Variants in BABAM1 observed in about 807,000 individuals in gnomAD.
The protein encoded by BABAM1 is BRISC and BRCA1 A complex member 1.
BABAM1 carries 14 observed loss-of-function variants against 34.4 expected under a neutral mutation model. The ratio of observed to expected loss-of-function variants is 0.41; its 90% confidence interval spans 0.27 to 0.64. The LOEUF (loss-of-function observed/expected upper bound fraction) is 0.64. BABAM1 is among the 30% of genes least tolerant of loss of function. BABAM1 has a pLI of 0.34. For synonymous variants in BABAM1, 169 were observed against 165.8 expected (o/e 1.02, Z -0.15); for missense variants, 393 against 434.0 (o/e 0.91, Z 0.84).
intron 8 of BABAM1, among the ~76,000 whole-genome samples, chr19:17,278,347 C>T (rs10426697): frequency 0.18 from 27,232 of 150,294 alleles, 2,667 homozygotes; most frequent in African/African-American, 0.22. Flanking sequence ...CTCGCTCTGT[C>T]GCCCAGGCTG....
intron 5 of BABAM1, 99 bp downstream of exon 5, chr19:17,274,284 G>A (rs752174583): frequency 5.5e-6 from 8 of 1,454,820 alleles, no homozygotes; most frequent in African/African-American, 4.2e-5. Flanking sequence ...GCTGGCTGAG[G>A]TTCAGATCTC....
intron 2 of BABAM1, among the ~76,000 whole-genome samples, chr19:17,270,295 A>G (rs970185600): frequency 4.0e-5 from 6 of 150,826 alleles, no homozygotes; most frequent in Admixed American, 1.3e-4. Flanking sequence ...TGTTCCACCC[A>G]CCTCAGCCTC....
At chr19:17,275,963 A>G in intron 6 of BABAM1, 138 bp downstream of exon 6, 20 of 959,836 alleles carry the variant, frequency 2.1e-5, no homozygotes, top group Non-Finnish European at 3.1e-5. Flanking sequence ...GCAATTCCTC[A>G]TTTATGTGTG....
intron 2 of BABAM1, among the ~76,000 whole-genome samples, chr19:17,270,386 A>C: frequency 6.6e-6 from 1 of 151,508 alleles, no homozygotes; most frequent in South Asian, 2.1e-4. Context: ...TATCCTCATA[A>C]AGCCTTTCTC....
intron 8 of BABAM1, chr19:17,277,328 A>T (rs1468424548): frequency 1.2e-5 from 2 of 164,614 alleles, no homozygotes; most frequent in East Asian, 3.7e-4. Flanking sequence ...CAGCCTCCCG[A>T]GTAGCTGGGG....
intron 7 of BABAM1, 63 bp downstream of exon 7, chr19:17,276,687 G>A (rs1422221509): frequency 6.4e-7 from 1 of 1,565,442 alleles, no homozygotes; most frequent in Non-Finnish European, 8.7e-7. Context: ...TAGACACCAG[G>A]AGGGACTTCC....
intron 8 of BABAM1, chr19:17,277,270 C>T (rs952821157): frequency 1.8e-4 from 32 of 180,338 alleles, no homozygotes; most frequent in Non-Finnish European, 6.9e-5. Flanking sequence ...GGCATGATCT[C>T]GGCTCACTGC....
At chr19:17,274,874 A>T (rs2073890285) in intron 5 of BABAM1, among the ~76,000 whole-genome samples, 1 of 151,658 alleles carries the variant, frequency 6.6e-6, no homozygotes, top group East Asian at 1.9e-4. Context: ...GGCTCTTTTC[A>T]TTTTGAGGAG....
intron 8 of BABAM1, among the ~76,000 whole-genome samples, chr19:17,278,516 A>G (rs1054868141): frequency 1.1e-4 from 17 of 151,784 alleles, no homozygotes; most frequent in South Asian, 4.2e-4. Flanking sequence ...TCACTGTGTT[A>G]GCCAGGATGG....
In BABAM1 at chr19:17,274,133, C is replaced by A; in HGVS notation, c.492C>A (p.Arg164=). 6.2e-7 allele frequency: 1 copy of A among 1,613,676 alleles called. No individual in the cohort carries two copies. The highest frequency in any genetic ancestry group is 1.3e-5 in the African/African-American group (1 of 75,010). The part of the protein sequence containing the change: ...AWLSGLTSDP[R]ELCSCLYDLE... ...TGTCTGGCCTGACCTCCGACCCCCG[C>A]GAGCTCTGTAGCTGCCTCTATGATC... The change falls in exon 5 of 9, where the codon CGC becomes CGA. Residue 164 remains arginine, a synonymous_variant. Transcript: ENST00000598188.
Position 17,276,840 on chromosome 19 carries a change from A to G in BABAM1, c.717A>G (p.Pro239=). Residue 239 remains proline (P), a synonymous_variant, in exon 8 of 9, where the codon CCA becomes CCG. Coordinates refer to ENST00000598188, the MANE Select transcript of BABAM1 (RefSeq NM_014173.4). ...CCCTGCAGAAAATGTTCCAGTGCCC[A>G]TATTTCTTCTTTGACGTTGTTTACA... ...TEPMKKMFQC[P]YFFFDVVYIH... is the part of the protein sequence containing the mutation. The G allele has an allele frequency of 1.2e-6, 2 of 1,605,284 alleles. No homozygotes were observed. The highest frequency in any genetic ancestry group is 1.7e-6 in the Non-Finnish European group (2 of 1,175,870).
chr19:17,275,714 G>C (rs576544506), intron 5 of BABAM1, 87 bp from the exon 6 acceptor site: 2 of 1,562,624 alleles, frequency 1.3e-6, no homozygotes, highest in Non-Finnish European at 1.8e-6. Flanking sequence ...TAGGGGTGCC[G>C]GGTCTCCTCT....
At chr19:17,274,218 G>A in intron 5 of BABAM1, 33 bp downstream of exon 5, 2 of 1,606,948 alleles carry the variant, frequency 1.2e-6, no homozygotes, top group South Asian at 2.2e-5. Flanking sequence ...CCCCATGAAG[G>A]GGGCTGTCTC....
chr19:17,273,559 G>GTTTTTTTTTTTTT (rs1252906493), intron 3 of BABAM1, among the ~76,000 whole-genome samples: 1 of 24,614 alleles, frequency 4.1e-5, no homozygotes, highest in African/African-American at 2.1e-4. Flanking sequence ...TTTTTTGTTT[G>GTTTTTTTTTTTTT]TTTTGTTTTT....
chr19:17,274,115 C>G lies in BABAM1; in HGVS notation c.474C>G (p.Gly158=), dbSNP rs766188105. The G allele has an allele frequency of 1.9e-6, 3 of 1,613,722 alleles. No individual in the cohort carries two copies. Among genetic ancestry groups the G allele is most frequent in the Admixed American group, 1.7e-5 (1 of 60,016 alleles). Reference sequence around the variant, plus strand: ...CCTCTGCTTCCCTGCAGCTGTCTGGCCTGACCTCCGACCCCCGCGAGCTCT... The same window carrying G: ...CCTCTGCTTCCCTGCAGCTGTCTGGGCTGACCTCCGACCCCCGCGAGCTCT... The part of the protein sequence containing the change: ...VVNDDTAWLS[G]LTSDPRELCS... Residue 158 remains glycine (G), a synonymous_variant, in exon 5 of 9, where the codon GGC becomes GGG. Transcript: ENST00000598188.
intron 5 of BABAM1, 109 bp from the exon 6 acceptor site, chr19:17,275,692 A>G: frequency 2.1e-6 from 3 of 1,429,502 alleles, no homozygotes; most frequent in Admixed American, 1.7e-5. Flanking sequence ...CCAGGGTCAC[A>G]TGGTGCGTCC....
At position 17,279,142 on chromosome 19, in the gene BABAM1, G is replaced by T. The variant is rs529636939; in HGVS notation, c.*94G>T. 17 of 1,365,860 alleles carry T rather than the reference G, an allele frequency of 1.2e-5. No homozygotes were observed. In the African/African-American group the frequency reaches 2.3e-4, roughly 19 times the overall value. The allele number at this position is 1,365,860 out of a possible 1,614,324, so 84.6% of individuals were successfully genotyped here. ...GGGTTCCTTGGGACCTCCGGGGTGG[G>T]GGGGTTCCAGGAGGCACGTAGGGTA... On this transcript the variant is annotated 3_prime_UTR_variant, in exon 9 of 9. Transcript: ENST00000598188.
At position 17,274,158 on chromosome 19, in the gene BABAM1, C is replaced by T. The variant is rs757659240; in HGVS notation, c.517C>T (p.Leu173=). The change falls in exon 5 of 9, where the codon CTG becomes TTG. Residue 173 remains leucine, a synonymous_variant. Transcript: ENST00000598188. ...CGAGCTCTGTAGCTGCCTCTATGAT[C>T]TGGAGACGGCCTCCTGTTCCACCTT... ...PRELCSCLYD[L]ETASCSTFNL... The T allele has an allele frequency of 6.2e-6, 10 of 1,613,380 alleles. No individual in the cohort carries two copies. In the South Asian group the frequency reaches 6.6e-5, roughly 11 times the overall value.
chr19:17,272,330 A>G (rs893492635), intron 3 of BABAM1, among the ~76,000 whole-genome samples: 4 of 152,118 alleles, frequency 2.6e-5, no homozygotes, highest in African/African-American at 9.6e-5. Context: ...ACTTGATCCC[A>G]AGAGTTTGAG....
Sources: allele counts gnomAD v4.1 joint callset (sites outside exome capture counted in the v4.1 genomes callset), GRCh38; gene constraint gnomAD v4.1.1; transcripts MANE v1.5; gene names NCBI Gene and HGNC (gene_info 2026-07-23, HGNC 2026-07-21).